Variants in FRMD3 observed in about 807,000 individuals in gnomAD.
The protein encoded by FRMD3 is FERM domain containing 3, also known as FERM domain-containing protein 3.
A neutral mutation model predicts 70.2 loss-of-function variants in FRMD3; 33 were observed. That is an observed-to-expected ratio of 0.47 (90% CI 0.36 to 0.63). The LOEUF is 0.63. Ranked by LOEUF, FRMD3 falls within the 20% of genes least tolerant of loss-of-function variation. The probability of loss-of-function intolerance (pLI) is 0.00; values close to 1 mark genes in which losing one functional copy is unlikely to be tolerated. For synonymous variants in FRMD3, 279 were observed against 255.9 expected, an observed-to-expected ratio of 1.09 and a Z score of -0.86; for missense variants, 632 against 711.4, an observed-to-expected ratio of 0.89 and a Z score of 1.27.
intron 9 of FRMD3, among the ~76,000 whole-genome samples, 174 bp from the exon 10 acceptor site, chr9:83,309,798 CT>C (rs35882956): frequency 0.22 from 33,844 of 151,918 alleles, 4,230 homozygotes; most frequent in East Asian, 0.4. Flanking sequence ...GTATTCACCC[CT>C]CCCTCACCCT....
chr9:83,385,137 G>A (rs1379225262), intron 2 of FRMD3, among the ~76,000 whole-genome samples: 2 of 151,924 alleles, frequency 1.3e-5, no homozygotes, highest in African/African-American at 4.8e-5. Flanking sequence ...TTTCCAAAGG[G>A]AAGTTACCCA....
At chr9:83,461,472 C>T (rs998947155) in intron 1 of FRMD3, among the ~76,000 whole-genome samples, 2 of 151,888 alleles carry the variant, frequency 1.3e-5, no homozygotes, top group African/African-American at 4.8e-5. Flanking sequence ...CCCAGGATGC[C>T]AGTCTTGAGG....
the FRMD3 span, among the ~76,000 whole-genome samples, chr9:83,572,867 C>A: frequency 5.9e-5 from 9 of 152,192 alleles, no homozygotes; most frequent in African/African-American, 1.7e-4. Flanking sequence ...ATGAAATATT[C>A]AATAAAAAAT....
At chr9:83,515,397 A>G (rs978345660) in intron 1 of FRMD3, among the ~76,000 whole-genome samples, 2 of 152,218 alleles carry the variant, frequency 1.3e-5, no homozygotes, top group Non-Finnish European at 2.9e-5. Flanking sequence ...TTAATGAAAT[A>G]AAGCATGAAG....
chr9:83,358,751 T>G (rs1359360788), intron 3 of FRMD3, among the ~76,000 whole-genome samples: 1 of 152,034 alleles, frequency 6.6e-6, no homozygotes, highest in Admixed American at 6.6e-5. Flanking sequence ...TTGATTTTAT[T>G]CTCAGCTTGG....
At chr9:83,254,579 A>C (rs1832604073) in intron 13 of FRMD3, among the ~76,000 whole-genome samples, 2 of 152,124 alleles carry the variant, frequency 1.3e-5, no homozygotes, top group South Asian at 2.1e-4. Context: ...AAAATTCAAA[A>C]AGTCAATGAA....
intron 1 of FRMD3, among the ~76,000 whole-genome samples, chr9:83,402,796 C>A (rs774059394): frequency 6.6e-6 from 1 of 151,754 alleles, no homozygotes; most frequent in South Asian, 2.1e-4. Flanking sequence ...AGAGAGCCTA[C>A]GGTCTAAACC....
At chr9:83,508,433 T>C (rs1829255468) in intron 1 of FRMD3, among the ~76,000 whole-genome samples, 1 of 151,896 alleles carries the variant, frequency 6.6e-6, no homozygotes, top group African/African-American at 2.4e-5. Context: ...TTCGACTGTT[T>C]AGAAAAAAAA....
At chr9:83,517,687 A>G (rs1169470664) in intron 1 of FRMD3, among the ~76,000 whole-genome samples, 1 of 152,124 alleles carries the variant, frequency 6.6e-6, no homozygotes, top group Non-Finnish European at 1.5e-5. Context: ...AGACACAACA[A>G]AGAAAATTTC....
intron 1 of FRMD3, among the ~76,000 whole-genome samples, chr9:83,484,502 C>T (rs577298645): frequency 6.6e-6 from 1 of 152,272 alleles, no homozygotes; most frequent in South Asian, 2.1e-4. Context: ...TCTGTAACTT[C>T]CACCCCTCAG....
chr9:83,336,378 G>A (rs1328512433), intron 5 of FRMD3, among the ~76,000 whole-genome samples: 1 of 151,108 alleles, frequency 6.6e-6, no homozygotes, highest in Non-Finnish European at 1.5e-5. Context: ...ATTTCCAAAT[G>A]CTCCCCAGGA....
At chr9:83,268,354 T>C (rs1214489328) in intron 13 of FRMD3, among the ~76,000 whole-genome samples, 1 of 152,246 alleles carries the variant, frequency 6.6e-6, no homozygotes, top group Non-Finnish European at 1.5e-5. Context: ...TGGATTTTTA[T>C]AGCTGTGGTA....
chr9:83,485,027 G>C (rs1016332862), intron 1 of FRMD3, among the ~76,000 whole-genome samples: 1 of 152,188 alleles, frequency 6.6e-6, no homozygotes, highest in African/African-American at 2.4e-5. Flanking sequence ...CTGTCCCAAA[G>C]GCCTCGGCCA....
At chr9:83,263,362 A>G (rs1047260193) in intron 13 of FRMD3, among the ~76,000 whole-genome samples, 1 of 152,242 alleles carries the variant, frequency 6.6e-6, no homozygotes, top group Admixed American at 6.5e-5. Flanking sequence ...TTATCTTCAC[A>G]GTCAGTCATT....
At chr9:83,373,347 C>T (rs1825041097) in intron 2 of FRMD3, among the ~76,000 whole-genome samples, 2 of 152,178 alleles carry the variant, frequency 1.3e-5, no homozygotes, top group Admixed American at 1.3e-4. Flanking sequence ...AATCACAGTC[C>T]AAGGCAGCAT....
At chr9:83,272,873 C>T (rs186495250) in intron 13 of FRMD3, among the ~76,000 whole-genome samples, 28,002 of 144,612 alleles carry the variant, frequency 0.19, 3,355 homozygotes, top group African/African-American at 0.32. Context: ...CCGGCCACCC[C>T]GTCCGAGAAG....
intron 13 of FRMD3, among the ~76,000 whole-genome samples, chr9:83,258,935 G>GTC (rs1563978479): frequency 6.6e-6 from 1 of 152,168 alleles, no homozygotes; most frequent in Non-Finnish European, 1.5e-5. Context: ...AGCCCATGCT[G>GTC]GCATCCAACT....
At chr9:83,479,738 AG>A (rs1828512072) in intron 1 of FRMD3, among the ~76,000 whole-genome samples, 1 of 53,212 alleles carries the variant, frequency 1.9e-5, no homozygotes, top group Admixed American at 1.6e-4. Flanking sequence ...AGGGAAAGAA[AG>A]AAAAAGAAAA....
chr9:83,351,667 A>G (rs1354936998), intron 3 of FRMD3, among the ~76,000 whole-genome samples: 3 of 147,114 alleles, frequency 2.0e-5, no homozygotes, highest in Non-Finnish European at 4.5e-5. Context: ...AGATAGGTAG[A>G]TAGATGATTG....
Sources: allele counts gnomAD v4.1 joint callset (sites outside exome capture counted in the v4.1 genomes callset), GRCh38; gene constraint gnomAD v4.1.1; transcripts MANE v1.5; gene names NCBI Gene and HGNC (gene_info 2026-07-23, HGNC 2026-07-21).